The following ATG4A variants were observed in gnomAD, a reference collection of about 807,000 sequenced individuals.
The protein encoded by ATG4A is cysteine protease ATG4A.
ATG4A carries 22 observed loss-of-function variants against 38.4 expected under a neutral mutation model. The observed-to-expected ratio is 0.57, with a 90% CI of 0.41 to 0.82. The LOEUF (loss-of-function observed/expected upper bound fraction) is 0.82, where lower values mean the gene tolerates loss of function less well. ATG4A is among the 40% of genes least tolerant of loss of function. ATG4A has a pLI of 0.00. For missense variants in ATG4A, 220 were observed against 290.0 expected, an observed-to-expected ratio of 0.76 and a Z score of 1.75; for synonymous variants, 86 against 100.7, an observed-to-expected ratio of 0.85 and a Z score of 0.88.
rs375340610 is a variant in ATG4A at position 108,118,131 on chromosome X, T to A, written c.11-7946T>A. On this transcript the variant is annotated intron_variant, in intron 1 of 12. Coordinates refer to ENST00000372232, the MANE Select transcript of ATG4A (RefSeq NM_052936.5). The stretch of plus-strand genomic sequence containing the variant: ...GATCACTTTCAGTTAAACATAACTA[T>A]AATGTTCTAACCTCAGACTGTCTGC... 6.2e-5 allele frequency among the ~76,000 whole-genome samples: 7 copies of A among 112,485 alleles called. No individual in the cohort carries two copies. In the East Asian group the frequency reaches 2.0e-3, roughly 31 times the overall value.
Position 108,150,284 on chromosome X carries a change from C to T in ATG4A, c.947C>T (p.Pro316Leu). 1 of 1,212,026 alleles carries T rather than the reference C, an allele frequency of 8.3e-7. No individual in the cohort carries two copies. The change falls in exon 10 of 13, where the codon CCT (proline) becomes CTT (leucine). Residue 316 changes from proline (P) to leucine (L), a missense_variant. Pro to Leu is a moderately conservative substitution (Grantham distance 98, BLOSUM62 -3). Around this residue, in one of 3 missense-constraint regions of ATG4A, gnomAD observed 159 missense variants for 188.9 expected, o/e 0.84. Transcript: ENST00000372232. ...CGAATGAACATCCTAAACCTGGATCCTTCAGTTGCATTGGTGGGTATTCGT... is the reference window on the plus strand; with the variant it reads ...CGAATGAACATCCTAAACCTGGATCTTTCAGTTGCATTGGTGGGTATTCGT... Reference protein sequence around the residue: ...PQRMNILNLDPSVALGFFCKE... With the variant: ...PQRMNILNLDLSVALGFFCKE...
intron 1 of ATG4A, among the ~76,000 whole-genome samples, chrX:108,119,825 C>A (rs1304638050): frequency 8.9e-6 from 1 of 112,082 alleles, no homozygotes; most frequent in Non-Finnish European, 1.9e-5. Context: ...AGTCGACACA[C>A]TATTCATTTT....
chrX:108,150,481 C>T (rs1458248592), intron 10 of ATG4A, among the ~76,000 whole-genome samples, 184 bp downstream of exon 10: 1 of 112,736 alleles, frequency 8.9e-6, no homozygotes, highest in Admixed American at 9.3e-5. Context: ...GGAATCTTGG[C>T]TCTGCCACTT....
chrX:108,131,017 G>T (rs1033656159), intron 3 of ATG4A, among the ~76,000 whole-genome samples: 1 of 111,724 alleles, frequency 9.0e-6, no homozygotes, highest in African/African-American at 3.3e-5. Context: ...GAAAACATAA[G>T]GGACACATTT....
intron 3 of ATG4A, among the ~76,000 whole-genome samples, chrX:108,130,882 G>A (rs1269513356): frequency 8.9e-6 from 1 of 111,732 alleles, no homozygotes; most frequent in Non-Finnish European, 1.9e-5. Flanking sequence ...TCAGGGCCAT[G>A]CAAGTGAGCT....
rs11346129 is a variant in ATG4A at position 108,135,786 on chromosome X, A to AT, written c.468-1289dup. 3.0e-3 allele frequency among the ~76,000 whole-genome samples: 296 copies of AT among 98,327 alleles called. 1 individual carries two copies. The highest frequency in any genetic ancestry group is 1.0e-2 in the South Asian group (21 of 2,103). 85.4% of individuals were successfully genotyped at this position (98,327 alleles called of 115,157 possible). A position where few individuals can be genotyped will look rare whatever the true frequency, so the allele number is the denominator to read the frequency against. ...TACCAACAACAAAGTGGAAACCTAGATTTTTTTTTTTTTTTTAGGACAGAG... is the reference window on the plus strand; with the variant it reads ...TACCAACAACAAAGTGGAAACCTAGATTTTTTTTTTTTTTTTTAGGACAGAG... On this transcript the variant is annotated intron_variant, in intron 6 of 12. Coordinates refer to ENST00000372232, the MANE Select transcript of ATG4A (RefSeq NM_052936.5).
At chrX:108,099,556 T>C (rs2031939423) in intron 1 of ATG4A, among the ~76,000 whole-genome samples, 1 of 111,831 alleles carries the variant, frequency 8.9e-6, no homozygotes, top group Non-Finnish European at 1.9e-5. Flanking sequence ...TTGTTACATC[T>C]AAGAAGTCTT....
chrX:108,105,404 C>A (rs1322709399), intron 1 of ATG4A, among the ~76,000 whole-genome samples: 1 of 110,900 alleles, frequency 9.0e-6, no homozygotes, highest in Admixed American at 9.6e-5. Flanking sequence ...TCTGTGTCTA[C>A]AACACTGCAA....
rs926435651 is a variant in ATG4A at position 108,118,358 on chromosome X, G to C, written c.11-7719G>C. Reference sequence around the variant, plus strand: ...TTTTTTTTCATAACAGCAATGTATAGTGGGAAGAATACTGGATGAAGAGTA... The same window carrying C: ...TTTTTTTTCATAACAGCAATGTATACTGGGAAGAATACTGGATGAAGAGTA... On this transcript the variant is annotated intron_variant, in intron 1 of 12. Transcript: ENST00000372232. Among the ~76,000 whole-genome samples, 12 of 111,218 alleles carry C rather than the reference G, an allele frequency of 1.1e-4. 1 individual carries two copies. In the Admixed American group the frequency reaches 1.1e-3, roughly 11 times the overall value.
intron 1 of ATG4A, among the ~76,000 whole-genome samples, chrX:108,118,449 C>A (rs899730372): frequency 1.8e-5 from 2 of 111,388 alleles, no homozygotes; most frequent in African/African-American, 6.5e-5. Context: ...CAAGTCATAT[C>A]ACCTCTCTGA....
chrX:108,152,755 T>G (rs894550255), intron 11 of ATG4A, among the ~76,000 whole-genome samples: 4 of 111,431 alleles, frequency 3.6e-5, no homozygotes, highest in Non-Finnish European at 7.5e-5. Context: ...GTGCTGGCCT[T>G]CATCAGATAC....
chrX:108,148,598 C>A (rs1306652988), intron 9 of ATG4A, among the ~76,000 whole-genome samples: 1 of 110,718 alleles, frequency 9.0e-6, no homozygotes, highest in Non-Finnish European at 1.9e-5. Flanking sequence ...TTATTATTCT[C>A]AACACCTTAA....
At chrX:108,103,145 G>A (rs1024411985) in intron 1 of ATG4A, among the ~76,000 whole-genome samples, 2 of 111,538 alleles carry the variant, frequency 1.8e-5, no homozygotes, top group Admixed American at 9.5e-5. Context: ...CTCTATCCAT[G>A]TCCCTGCAAA....
chrX:108,089,017 G>C (rs770697665), upstream of ATG4A, among the ~76,000 whole-genome samples: 1 of 112,440 alleles, frequency 8.9e-6, no homozygotes, highest in East Asian at 2.8e-4. Flanking sequence ...GACAGATGAA[G>C]GTTTAAGTAA....
At chrX:108,144,071 G>T (rs762922605) in intron 9 of ATG4A, among the ~76,000 whole-genome samples, 1 of 111,297 alleles carries the variant, frequency 9.0e-6, no homozygotes, top group Non-Finnish European at 1.9e-5. Context: ...TAAAGTGAGT[G>T]CCTTGGTCAG....
intron 1 of ATG4A, among the ~76,000 whole-genome samples, chrX:108,121,079 A>G (rs1569305162): frequency 8.9e-6 from 1 of 111,952 alleles, no homozygotes; most frequent in Non-Finnish European, 1.9e-5. Context: ...TTTTTGCCCA[A>G]TCTTCTGTTT....
At chrX:108,134,752 G>A (rs2033052540) in intron 6 of ATG4A, among the ~76,000 whole-genome samples, 1 of 112,045 alleles carries the variant, frequency 8.9e-6, no homozygotes, top group African/African-American at 3.2e-5. Context: ...AAGTGGTAGA[G>A]GCTAAGCCAG....
chrX:108,129,760 C>T (rs2032904669), intron 3 of ATG4A, among the ~76,000 whole-genome samples: 1 of 109,135 alleles, frequency 9.2e-6, no homozygotes, highest in East Asian at 2.9e-4. Flanking sequence ...TTAGTAGAGA[C>T]AGGGTTTCAC....
At chrX:108,099,780 G>A (rs1316831174) in intron 1 of ATG4A, among the ~76,000 whole-genome samples, 2 of 111,503 alleles carry the variant, frequency 1.8e-5, no homozygotes, top group South Asian at 3.7e-4. Context: ...TAAGTATGCC[G>A]TACTTGTGTA....
Sources: gnomAD v4.1 joint callset for allele counts (sites outside exome capture counted in the v4.1 genomes callset) on GRCh38, gnomAD v4.1.1 for gene constraint, gnomAD v4.1.1 regional missense constraint, MANE v1.5 for transcripts, NCBI Gene and HGNC (gene_info 2026-07-23, HGNC 2026-07-21) for gene names.